Variants in DHX57 observed in about 807,000 individuals in gnomAD.
DHX57 encodes putative ATP-dependent RNA helicase DHX57.
In DHX57, 105 loss-of-function variants were observed where a neutral mutation model predicts 156.2. The ratio of observed to expected loss-of-function variants is 0.67; its 90% CI spans 0.57 to 0.79. The LOEUF (loss-of-function observed/expected upper bound fraction) is 0.79, where lower values mean the gene tolerates loss of function less well. Ranked by LOEUF, DHX57 falls within the 30% of genes least tolerant of loss-of-function variation. The pLI is 0.00. For synonymous variants in DHX57, 704 were observed against 595.6 expected (o/e 1.18, Z -2.65); for missense variants, 1,847 against 1,661.9 (o/e 1.11, Z -1.94).
At chr2:38,834,845 C>T (rs756515949) in intron 13 of DHX57, among the ~76,000 whole-genome samples, 1 of 152,176 alleles carries the variant, frequency 6.6e-6, no homozygotes, top group Non-Finnish European at 1.5e-5. Context: ...TGCAGCTATG[C>T]CAGCAGGTGT....
At chr2:38,811,174 A>C in intron 21 of DHX57, 1 of 505,030 alleles carries the variant, frequency 2.0e-6, no homozygotes, top group Non-Finnish European at 3.7e-6. Context: ...TGGGAATCCC[A>C]TGTTTCTCTG....
intron 11 of DHX57, among the ~76,000 whole-genome samples, chr2:38,846,481 T>A (rs1467729693): frequency 6.7e-6 from 1 of 150,374 alleles, no homozygotes; most frequent in Non-Finnish European, 1.5e-5. Flanking sequence ...AAATTAGGCA[T>A]GGGGGTGTGT....
chr2:38,870,879 AAAAAAAC>A (rs913213958), intron 1 of DHX57, among the ~76,000 whole-genome samples: 8 of 152,020 alleles, frequency 5.3e-5, no homozygotes, highest in African/African-American at 1.4e-4. Context: ...ACTCCATCTC[AAAAAAAC>A]AAAAAACAAA....
intron 12 of DHX57, among the ~76,000 whole-genome samples, chr2:38,838,483 T>G (rs1034031473): frequency 6.6e-6 from 1 of 152,182 alleles, no homozygotes; most frequent in African/African-American, 2.4e-5. Flanking sequence ...CTCCTGCCCC[T>G]GTTGGAAAGA....
Position 38,813,826 on chromosome 2 carries a change from C to T in DHX57, c.3676G>A (p.Val1226Met), listed in dbSNP as rs370295178. ...MLCAALYPNV[V>M]QVKSPEGKFQ... ...TAGGAAAAATGTTTTGTTACCTGCA[C>T]TACATTTGGATACAAAGCAGCACAC... The change falls in exon 21 of 24, where the codon GTG (valine) becomes ATG (methionine). Residue 1226 changes from valine (V) to methionine (M), a missense_variant. Coordinates refer to ENST00000457308, the MANE Select transcript of DHX57 (RefSeq NM_198963.3). 6.2e-7 allele frequency: 1 copy of T among 1,613,630 alleles called. No individual in the cohort carries two copies. The highest frequency in any genetic ancestry group is 2.2e-5 in the East Asian group (1 of 44,854).
chr2:38,831,764 G>A (rs939399486), intron 13 of DHX57, among the ~76,000 whole-genome samples: 18 of 151,696 alleles, frequency 1.2e-4, no homozygotes, highest in African/African-American at 4.4e-4. Context: ...GGCTGAGGCA[G>A]GAGAATCACT....
rs529589633 is a variant in DHX57 at position 38,843,572 on chromosome 2, G to A, written c.2220-362C>T. On this transcript the variant is annotated intron_variant, in intron 11 of 23. Coordinates refer to ENST00000457308, the MANE Select transcript of DHX57 (RefSeq NM_198963.3). ...TTTCTATGATAATTCCCAGGCAGCT[G>A]ATTTCCTTTTGTTGCAATCAAATTT... Among the ~76,000 whole-genome samples the A allele has an allele frequency of 2.6e-5, 4 of 152,298 alleles. No individual in the cohort carries two copies. The East Asian group carries it at 7.7e-4, about 29-fold the overall frequency.
chr2:38,852,174 G>A (rs1672628895), intron 9 of DHX57, among the ~76,000 whole-genome samples: 1 of 149,588 alleles, frequency 6.7e-6, no homozygotes, highest in Non-Finnish European at 1.5e-5. Context: ...CTGGTTATAT[G>A]CCTTCTCTGT....
At chr2:38,819,197 C>T (rs1670694146) in intron 17 of DHX57, 53 bp from the exon 18 acceptor site, 2 of 1,560,194 alleles carry the variant, frequency 1.3e-6, no homozygotes, top group South Asian at 2.2e-5. Context: ...TTTTCAAAGA[C>T]AGGGTCTTGT....
At chr2:38,827,712 G>A (rs1671174708) in intron 14 of DHX57, among the ~76,000 whole-genome samples, 1 of 151,334 alleles carries the variant, frequency 6.6e-6, no homozygotes. Context: ...TCTTGCTCCT[G>A]GAATAGGAAC....
At chr2:38,862,474 T>C (rs1285726829) in intron 3 of DHX57, 141 bp from the exon 4 acceptor site, 1 of 806,888 alleles carries the variant, frequency 1.2e-6, no homozygotes, top group South Asian at 4.2e-5. Flanking sequence ...GAACTATTAA[T>C]TTATATCTTG....
chr2:38,843,153 T>G lies in DHX57; in HGVS notation c.2277A>C (p.Glu759Asp), dbSNP rs781616603. The G allele has an allele frequency of 1.3e-5, 21 of 1,614,104 alleles. No individual in the cohort carries two copies. Among genetic ancestry groups the G allele is most frequent in the Non-Finnish European group, 1.7e-5 (20 of 1,180,038 alleles). Residue 759 changes from glutamate to aspartate, a missense_variant, in exon 12 of 24, where the codon GAA becomes GAC. By Grantham distance (45) the Glu-to-Asp change is conservative. Coordinates refer to ENST00000457308, the MANE Select transcript of DHX57 (RefSeq NM_198963.3). ...YMRSMKQISK[E>D]KLKARRNRTA... ...TTCTGTTCCGCCTTGCTTTAAGCTT[T>G]TCCTTTGAAATCTGTTTCATGGACC...
chr2:38,850,626 T>G (rs1354709148), intron 9 of DHX57, among the ~76,000 whole-genome samples: 1 of 152,176 alleles, frequency 6.6e-6, no homozygotes, highest in African/African-American at 2.4e-5. Flanking sequence ...GAAAACATTC[T>G]TATACTACTT....
chr2:38,848,057 T>G lies in DHX57; in HGVS notation c.2164+212A>C, dbSNP rs371883808. Among the ~76,000 whole-genome samples the G allele has an allele frequency of 8.5e-5, 13 of 152,060 alleles. No homozygotes were observed. The East Asian group carries it at 2.5e-3, about 29-fold the overall frequency. ...GAGATCACGCCACTGCACTCCAGCC[T>G]GGGTGACAGAGCGAGACTCTGTCTC... On this transcript the variant is annotated intron_variant, in intron 10 of 23. Transcript: ENST00000457308.
At chr2:38,854,390 G>T in intron 8 of DHX57, 1 of 381,184 alleles carries the variant, frequency 2.6e-6, no homozygotes, top group Middle Eastern at 8.2e-4. Flanking sequence ...TTCATAAAAA[G>T]CATTAAAAAA....
chr2:38,846,071 G>T (rs1672269064), intron 11 of DHX57, among the ~76,000 whole-genome samples: 1 of 151,934 alleles, frequency 6.6e-6, no homozygotes, highest in African/African-American at 2.4e-5. Flanking sequence ...TCACCATATT[G>T]GCCAAGCTGG....
chr2:38,804,496 TAAATA>T (rs950817672), intron 22 of DHX57, among the ~76,000 whole-genome samples: 20 of 151,942 alleles, frequency 1.3e-4, no homozygotes, highest in African/African-American at 3.4e-4. Flanking sequence ...TCTCAATAAA[TAAATA>T]AAATAAAAAT....
rs540782246 is a variant in DHX57, at chr2:38,798,859, C to T, written c.4018-417G>A. On this transcript the variant is annotated intron_variant, in intron 23 of 23. Transcript: ENST00000457308. ...CTCAGAGGCTGAGGCAGGAGAATGG[C>T]TTGAACCCAGGAGGTGGAGGTTGCA... Among the ~76,000 whole-genome samples the T allele has an allele frequency of 2.6e-5, 4 of 152,224 alleles. No homozygotes were observed. In the South Asian group the frequency reaches 8.3e-4, roughly 32 times the overall value.
chr2:38,801,655 C>T (rs1207206829), intron 23 of DHX57, among the ~76,000 whole-genome samples: 8 of 141,370 alleles, frequency 5.7e-5, no homozygotes, highest in South Asian at 2.3e-4. Context: ...AGTGCAATGG[C>T]GCAATCTCGG....
Sources: allele counts gnomAD v4.1 joint callset (sites outside exome capture counted in the v4.1 genomes callset), GRCh38; gene constraint gnomAD v4.1.1; transcripts MANE v1.5; gene names NCBI Gene and HGNC (gene_info 2026-07-23, HGNC 2026-07-21).